The following PTPRN2 variants were observed in gnomAD, a reference collection of about 807,000 sequenced individuals.
The protein encoded by PTPRN2 is protein tyrosine phosphatase receptor type N2, also known as receptor-type tyrosine-protein phosphatase N2.
Under a neutral mutation model 118.8 loss-of-function variants are expected in PTPRN2, and 74 were observed. The observed-to-expected ratio is 0.62, with a 90% CI of 0.52 to 0.76. The LOEUF is 0.76. PTPRN2 is among the 30% of genes least tolerant of loss of function. The pLI is 0.00. For missense variants in PTPRN2, 1,481 were observed against 1,394.4 expected (o/e 1.06, Z -0.99); for synonymous variants, 641 against 608.0 (o/e 1.05, Z -0.80).
Position 157,931,037 on chromosome 7 carries a change from G to T in PTPRN2, c.1724-32300C>A, listed in dbSNP as rs78814571. On this transcript the variant is annotated intron_variant, in intron 11 of 22. Coordinates refer to ENST00000389418, the MANE Select transcript of PTPRN2 (RefSeq NM_002847.5). ...TGGATCAGAGGCTCCCACAGACTCT[G>T]AGTCAAGAACTCCTTCTGCCGCTGC... 9.0e-4 allele frequency among the ~76,000 whole-genome samples: 137 copies of T among 152,272 alleles called. No homozygotes were observed. The East Asian group carries it at 0.023, about 25-fold the overall frequency.
At chr7:157,646,108 A>G (rs1021568446) in intron 14 of PTPRN2, among the ~76,000 whole-genome samples, 1 of 152,196 alleles carries the variant, frequency 6.6e-6, no homozygotes, top group Non-Finnish European at 1.5e-5. Flanking sequence ...CTGAATGCCA[A>G]CTGTTTGCCA....
chr7:158,245,432 G>A (rs1796180792), intron 3 of PTPRN2, among the ~76,000 whole-genome samples: 1 of 152,238 alleles, frequency 6.6e-6, no homozygotes, highest in Non-Finnish European at 1.5e-5. Flanking sequence ...TGCGCGGCCT[G>A]TTGAGTTTCA....
At chr7:157,614,235 C>CA (rs1263255516) in intron 15 of PTPRN2, 2 of 415,262 alleles carry the variant, frequency 4.8e-6, no homozygotes, top group Non-Finnish European at 1.0e-5. Flanking sequence ...GGTCGCAGAG[C>CA]AGGCTGGTCA....
intron 5 of PTPRN2, among the ~76,000 whole-genome samples, chr7:158,170,447 G>A (rs1290848148): frequency 6.6e-6 from 1 of 152,256 alleles, no homozygotes; most frequent in East Asian, 1.9e-4. Context: ...ACTAGGTTCA[G>A]TGCATTACAC....
intron 13 of PTPRN2, among the ~76,000 whole-genome samples, chr7:157,682,440 A>G (rs1019228856): frequency 6.6e-6 from 1 of 152,216 alleles, no homozygotes; most frequent in African/African-American, 2.4e-5. Flanking sequence ...CAGATAATAC[A>G]TCATTCATGT....
In PTPRN2 at chr7:158,129,146, C is replaced by T. The variant is rs554321308; in HGVS notation, c.1556+4531G>A. Among the ~76,000 whole-genome samples the T allele has an allele frequency of 7.1e-3, 1,080 of 151,558 alleles. 16 individuals are homozygous for T. Among genetic ancestry groups the T allele is most frequent in the African/African-American group, 0.025 (1,014 of 41,272 alleles). On this transcript the variant is annotated intron_variant, in intron 9 of 22. Coordinates refer to ENST00000389418, the MANE Select transcript of PTPRN2 (RefSeq NM_002847.5). ...CACACAGCACACCACACACTACACA[C>T]ATACACTACACACCACACACATACA...
At chr7:157,638,669 A>C (rs77990727) in intron 14 of PTPRN2, among the ~76,000 whole-genome samples, 11,535 of 152,342 alleles carry the variant, frequency 0.076, 578 homozygotes, top group South Asian at 0.13. Flanking sequence ...GTCACACGGC[A>C]TGGGGACCAA....
At chr7:158,167,393 C>T (rs758220420) in intron 5 of PTPRN2, 102 bp from the exon 6 acceptor site, 47 of 1,412,928 alleles carry the variant, frequency 3.3e-5, no homozygotes, top group Non-Finnish European at 3.7e-5. Context: ...CCTAAACAGC[C>T]CTGGGGGTAC....
rs751253719 is a variant in PTPRN2, at chr7:157,874,001, G to C, written c.1788+24672C>G. ...CTCCGGCAAAGTCCCAGGACCCTGA[G>C]CAGCCTCGGGAAGAGCTCTCGGGAC... On this transcript the variant is annotated intron_variant, in intron 12 of 22. Transcript: ENST00000389418. The surrounding 1 kb of genome is among the most constrained non-coding windows in gnomAD (Gnocchi z 5.8). Among the ~76,000 whole-genome samples the C allele has an allele frequency of 6.6e-6, 1 of 152,206 alleles. No homozygotes were observed. Among genetic ancestry groups the C allele is most frequent in the Non-Finnish European group, 1.5e-5 (1 of 68,032 alleles).
chr7:158,232,552 CA>C (rs1351705530), intron 3 of PTPRN2, among the ~76,000 whole-genome samples: 1 of 151,668 alleles, frequency 6.6e-6, no homozygotes, highest in Non-Finnish European at 1.5e-5. Context: ...TCAAACTCTT[CA>C]AAAAATTGAA....
At chr7:158,142,560 G>A (rs1336546609) in intron 6 of PTPRN2, among the ~76,000 whole-genome samples, 2 of 152,270 alleles carry the variant, frequency 1.3e-5, no homozygotes, top group East Asian at 1.9e-4. Flanking sequence ...TGGAGGCCGC[G>A]TACTCTTCTG....
At chr7:158,112,454 A>C (rs1199786241) in intron 9 of PTPRN2, among the ~76,000 whole-genome samples, 1 of 152,132 alleles carries the variant, frequency 6.6e-6, no homozygotes, top group Non-Finnish European at 1.5e-5. Flanking sequence ...CGAGTGCAGG[A>C]GGCCGTCAGC....
rs1802340369 is a variant in PTPRN2 at position 157,764,666 on chromosome 7, A to G, written c.1789-81729T>C. 6.6e-6 allele frequency among the ~76,000 whole-genome samples: 1 copy of G among 152,182 alleles called. No homozygotes were observed. The highest frequency in any genetic ancestry group is 2.1e-4 in the South Asian group (1 of 4,830). On this transcript the variant is annotated intron_variant, in intron 12 of 22. Transcript: ENST00000389418. This position sits in a 1 kb window ranked among gnomAD's most constrained non-coding sequence, Gnocchi z 4.5. ...GTGATGATGGTTGCACAGTATTTTG[A>G]ATGTAAATACTACCACTAAATTGTA...
chr7:157,733,145 TTC>T (rs1800048065), intron 12 of PTPRN2, among the ~76,000 whole-genome samples: 2 of 41,274 alleles, frequency 4.8e-5, no homozygotes, highest in Admixed American at 2.2e-4. Flanking sequence ...CAGTTACTCT[TTC>T]CCGTCCCAGG....
chr7:158,002,169 G>A (rs1027256296), intron 11 of PTPRN2, among the ~76,000 whole-genome samples: 1 of 152,220 alleles, frequency 6.6e-6, no homozygotes, highest in Non-Finnish European at 1.5e-5. Flanking sequence ...GGTGCAAAGC[G>A]GGGGCTTGAG....
intron 12 of PTPRN2, among the ~76,000 whole-genome samples, chr7:157,827,433 A>G (rs1048970587): frequency 2.1e-5 from 3 of 144,718 alleles, no homozygotes; most frequent in African/African-American, 7.4e-5. Flanking sequence ...GGCTGTCTGG[A>G]GGCCAAGCTC....
chr7:158,277,219 C>T (rs1400022698), intron 3 of PTPRN2, among the ~76,000 whole-genome samples: 1 of 152,226 alleles, frequency 6.6e-6, no homozygotes, highest in Non-Finnish European at 1.5e-5. Flanking sequence ...GCTTTAAGAA[C>T]TGTCAGAGCG....
At chr7:157,873,951 T>G (rs1274783339) in intron 12 of PTPRN2, among the ~76,000 whole-genome samples, 1 of 152,128 alleles carries the variant, frequency 6.6e-6, no homozygotes, top group African/African-American at 2.4e-5. Context: ...TCCCACTGAC[T>G]TTGACGGCTC....
At chr7:158,052,569 G>A (rs1809412860) in intron 11 of PTPRN2, among the ~76,000 whole-genome samples, 1 of 152,204 alleles carries the variant, frequency 6.6e-6, no homozygotes, top group South Asian at 2.1e-4. Context: ...GGGCCGTGGA[G>A]GGGCGCCCTT....
Sources: allele counts gnomAD v4.1 joint callset (sites outside exome capture counted in the v4.1 genomes callset), GRCh38; gene constraint gnomAD v4.1.1; non-coding constraint Gnocchi (gnomAD v3.1); transcripts MANE v1.5; gene names NCBI Gene and HGNC (gene_info 2026-07-23, HGNC 2026-07-21).